SYNE3: variants seen among roughly 807,000 people sequenced by gnomAD.
SYNE3 encodes nesprin-3.
Under a neutral mutation model 111.2 loss-of-function variants are expected in SYNE3, and 100 were observed. The ratio of observed to expected loss-of-function variants is 0.90; its 90% CI spans 0.77 to 1.06. The LOEUF (loss-of-function observed/expected upper bound fraction) is 1.06. SYNE3 is among the 50% of genes least tolerant of loss of function. SYNE3 has a pLI of 0.00. For synonymous variants in SYNE3, 547 were observed against 533.9 expected (o/e 1.02, Z -0.34); for missense variants, 1,160 against 1,240.3 (o/e 0.94, Z 0.97).
chr14:95,422,535 T>C (rs1279136854), intron 17 of SYNE3, among the ~76,000 whole-genome samples: 1 of 152,176 alleles, frequency 6.6e-6, no homozygotes, highest in Non-Finnish European at 1.5e-5. Flanking sequence ...GGGGCCTCTG[T>C]TGTTCAACCG....
Position 95,428,069 on chromosome 14 carries a change from A to C in SYNE3, c.2727+4010T>G, listed in dbSNP as rs114128446. 3.7e-4 allele frequency among the ~76,000 whole-genome samples: 57 copies of C among 152,336 alleles called. 1 individual carries two copies. The highest frequency in any genetic ancestry group is 1.3e-3 in the African/African-American group (53 of 41,570). On this transcript the variant is annotated intron_variant, in intron 17 of 17. Transcript: ENST00000682763. ...TGCATCTGATTGGAAAGCCCACATC[A>C]ATATGGGGGACCAAGGGAGCTGCAC...
chr14:95,504,758 A>G (rs1362512198), intron 1 of SYNE3, among the ~76,000 whole-genome samples: 1 of 152,202 alleles, frequency 6.6e-6, no homozygotes, highest in East Asian at 1.9e-4. Context: ...AGGAGGGAGG[A>G]TCACTTGAGC....
intron 1 of SYNE3, among the ~76,000 whole-genome samples, chr14:95,477,046 T>C (rs1217112792): frequency 6.6e-6 from 1 of 152,226 alleles, no homozygotes. Flanking sequence ...TATTAGGTAG[T>C]CACAACTCAA....
chr14:95,474,979 G>C (rs1272040243), intron 2 of SYNE3, among the ~76,000 whole-genome samples: 1 of 152,240 alleles, frequency 6.6e-6, no homozygotes, highest in Non-Finnish European at 1.5e-5. Flanking sequence ...CTGAAGCCCA[G>C]AGTGGGGCAG....
At chr14:95,429,786 T>C (rs2103924) in intron 17 of SYNE3, among the ~76,000 whole-genome samples, 76,858 of 151,862 alleles carry the variant, frequency 0.51, 20,189 homozygotes, top group African/African-American at 0.65. Flanking sequence ...CAGGGCTACA[T>C]GGATCACAAG....
chr14:95,449,480 T>C, intron 8 of SYNE3: 2 of 985,454 alleles, frequency 2.0e-6, no homozygotes, highest in Non-Finnish European at 2.4e-6. Context: ...GCTGGGGCCA[T>C]GAGGCGAGAC....
At position 95,443,409 on chromosome 14, in the gene SYNE3, G is replaced by C. The variant is rs563041159; in HGVS notation, c.1777-120C>G. The C allele has an allele frequency of 1.7e-5, 22 of 1,307,480 alleles. No individual in the cohort carries two copies. The African/African-American group carries it at 3.1e-4, about 19-fold the overall frequency. 81.0% of individuals were successfully genotyped at this position (1,307,480 alleles called of 1,614,324 possible). ...GGAGGGGTGAATTCCCCAAGGCGGT[G>C]GGGCTCTTTCATACCAGCGGAAGTA... On this transcript the variant is annotated intron_variant, in intron 10 of 17. Transcript: ENST00000682763.
intron 6 of SYNE3, among the ~76,000 whole-genome samples, chr14:95,454,362 G>A (rs1304741159): frequency 6.6e-6 from 1 of 152,270 alleles, no homozygotes; most frequent in African/African-American, 2.4e-5. Flanking sequence ...CCACAGGCAA[G>A]TCTCCTAGCC....
At position 95,410,962 on chromosome 14, in the gene SYNE3, G is replaced by A. The variant is rs1422400027; in HGVS notation, c.*6864C>T. The A allele has an allele frequency of 6.6e-6, 1 of 152,212 alleles. No homozygotes were observed. The highest frequency in any genetic ancestry group is 1.5e-5 in the Non-Finnish European group (1 of 68,098). 9.4% of individuals were successfully genotyped at this position (152,212 alleles called of 1,614,324 possible). ...TTCCAACTCAACCCTGTCTAGTGCTGAGCAGTATCAAGCTGTCATCCAGTG... is the reference window on the plus strand; with the variant it reads ...TTCCAACTCAACCCTGTCTAGTGCTAAGCAGTATCAAGCTGTCATCCAGTG... On this transcript the variant is annotated 3_prime_UTR_variant, in exon 18 of 18. Coordinates refer to ENST00000682763, the MANE Select transcript of SYNE3 (RefSeq NM_152592.6).
chr14:95,443,114 G>C (rs763504176), intron 11 of SYNE3, 41 bp downstream of exon 11: 3 of 1,610,242 alleles, frequency 1.9e-6, no homozygotes, highest in Non-Finnish European at 2.5e-6. Context: ...GACAGGGGCC[G>C]GCTCTCTGTC....
rs1163799893 is a variant in SYNE3 at position 95,449,931 on chromosome 14, C to T, written c.1449G>A (p.Glu483=). Residue 483 remains glutamate, a splice_region_variant and synonymous_variant, in exon 8 of 18, where the codon GAG becomes GAA. Coordinates refer to ENST00000682763, the MANE Select transcript of SYNE3 (RefSeq NM_152592.6). The part of the protein sequence containing the change: ...PSLHTFLPQI[E]AALMESSRLK... Reference sequence around the variant, plus strand: ...ACCCAGTTGGCAGGACCACGGTTACCTCGATCTGGGGCAGGAAGGTGTGAA... The same window carrying T: ...ACCCAGTTGGCAGGACCACGGTTACTTCGATCTGGGGCAGGAAGGTGTGAA... 1 of 1,552,722 alleles carries T rather than the reference C, an allele frequency of 6.4e-7. No homozygotes were observed. Among genetic ancestry groups the T allele is most frequent in the Non-Finnish European group, 8.7e-7 (1 of 1,147,780 alleles).
intron 9 of SYNE3, 124 bp downstream of exon 9, chr14:95,445,785 A>G: frequency 9.6e-7 from 1 of 1,046,462 alleles, no homozygotes; most frequent in Non-Finnish European, 1.4e-6. Context: ...AAAGGGATAC[A>G]CCCAGGGCCA....
At chr14:95,499,383 A>G (rs1890235623) in intron 1 of SYNE3, among the ~76,000 whole-genome samples, 1 of 151,854 alleles carries the variant, frequency 6.6e-6, no homozygotes, top group African/African-American at 2.4e-5. Context: ...AGCCTCCCCT[A>G]CTTCCCACCT....
At chr14:95,433,571 A>T (rs1490460742) in intron 15 of SYNE3, among the ~76,000 whole-genome samples, 162 bp from the exon 16 acceptor site, 3 of 152,212 alleles carry the variant, frequency 2.0e-5, no homozygotes, top group Non-Finnish European at 4.4e-5. Flanking sequence ...AATTCAAGCC[A>T]AGGCCTAGCC....
At chr14:95,512,730 C>T (rs186826191) in intron 1 of SYNE3, among the ~76,000 whole-genome samples, 21 of 145,546 alleles carry the variant, frequency 1.4e-4, no homozygotes, top group East Asian at 1.0e-3. Context: ...TGGTGGTGGG[C>T]GCCTGTAGTC....
chr14:95,453,203 C>T lies in SYNE3; in HGVS notation c.1138-820G>A, dbSNP rs112850390. On this transcript the variant is annotated intron_variant, in intron 6 of 17. Transcript: ENST00000682763. ...GGCCACTCTCACCAACCACGTGGGTCGGGTGATATTGACAAGGCACTTGGT... is the reference window on the plus strand; with the variant it reads ...GGCCACTCTCACCAACCACGTGGGTTGGGTGATATTGACAAGGCACTTGGT... Among the ~76,000 whole-genome samples, 514 of 152,248 alleles carry T rather than the reference C, an allele frequency of 3.4e-3. 3 individuals are homozygous for T. The highest frequency in any genetic ancestry group is 0.012 in the African/African-American group (483 of 41,548).
chr14:95,498,913 A>C (rs1890211145), intron 1 of SYNE3, among the ~76,000 whole-genome samples: 1 of 152,228 alleles, frequency 6.6e-6, no homozygotes, highest in Non-Finnish European at 1.5e-5. Context: ...CCAGCTAAAA[A>C]AAATACCCTC....
Position 95,506,471 on chromosome 14 carries a change from C to G in SYNE3, c.-15+10125G>C, listed in dbSNP as rs183467553. ...CTTGGCTGGGTCGACTCTGGCCCAT[C>G]ATGCCTTCCTAGACCTGCCAGGGCA... is the stretch of plus-strand genomic sequence containing the variant. On this transcript the variant is annotated intron_variant, in intron 1 of 17. Coordinates refer to ENST00000682763, the MANE Select transcript of SYNE3 (RefSeq NM_152592.6). 5.4e-3 allele frequency among the ~76,000 whole-genome samples: 829 copies of G among 152,358 alleles called. 5 individuals carry two copies. The highest frequency in any genetic ancestry group is 9.7e-3 in the Non-Finnish European group (660 of 68,036).
At chr14:95,488,423 T>C (rs1050505693) in intron 1 of SYNE3, among the ~76,000 whole-genome samples, 1 of 152,212 alleles carries the variant, frequency 6.6e-6, no homozygotes, top group Non-Finnish European at 1.5e-5. Context: ...CACGGATGGA[T>C]AGTTTCCAAC....
Sources: allele counts gnomAD v4.1 joint callset (sites outside exome capture counted in the v4.1 genomes callset), GRCh38; gene constraint gnomAD v4.1.1; transcripts MANE v1.5; gene names NCBI Gene and HGNC (gene_info 2026-07-23, HGNC 2026-07-21).